ANK1: variants seen among roughly 807,000 people sequenced by gnomAD.
The protein encoded by ANK1 is ankyrin 1, also known as ankyrin-1.
ANK1 carries 51 observed loss-of-function variants against 210.4 expected under a neutral mutation model. The observed-to-expected ratio is 0.24, with a 90% CI of 0.19 to 0.31. The LOEUF is 0.31. Ranked by LOEUF, ANK1 falls within the 10% of genes least tolerant of loss-of-function variation. The pLI, the probability that ANK1 is intolerant of heterozygous loss-of-function variation, is 1.00. For missense variants in ANK1, 2,051 were observed against 2,504.4 expected, an observed-to-expected ratio of 0.82 and a Z score of 3.86; for synonymous variants, 967 against 1,025.9, an observed-to-expected ratio of 0.94 and a Z score of 1.10.
At position 41,704,269 on chromosome 8, in the gene ANK1, G is replaced by A; in HGVS notation, c.2196+105C>T. ...TGCATTTTCCCCCTTTCTTCCTTCA[G>A]GGTCCATGGTCAAAACCCTAGTGCT... On this transcript the variant is annotated intron_variant, in intron 19 of 42. Coordinates refer to ENST00000289734, the MANE Select transcript of ANK1 (RefSeq NM_000037.4). This position sits in a 1 kb window ranked among gnomAD's most constrained non-coding sequence, Gnocchi z 4.1. The A allele has an allele frequency of 7.2e-7, 1 of 1,390,086 alleles. No homozygotes were observed. The highest frequency in any genetic ancestry group is 1.0e-6 in the Non-Finnish European group (1 of 978,980). The allele number at this position is 1,390,086 out of a possible 1,614,324, so 86.1% of individuals were successfully genotyped here.
At chr8:41,758,185 C>A in intron 1 of ANK1, 48 bp from the exon 2 acceptor site, 1 of 1,535,678 alleles carries the variant, frequency 6.5e-7, no homozygotes, top group Non-Finnish European at 9.0e-7. Context: ...GTATTAATGA[C>A]TTCTCCACCC....
intron 1 of ANK1, among the ~76,000 whole-genome samples, chr8:41,851,624 G>A (rs764543017): frequency 6.6e-6 from 1 of 152,228 alleles, no homozygotes; most frequent in Non-Finnish European, 1.5e-5. Context: ...GCTAAGACGG[G>A]AGGATTGCTG....
intron 20 of ANK1, among the ~76,000 whole-genome samples, chr8:41,703,450 A>ATATATATATATTTTT (rs59985416): frequency 1.7e-5 from 1 of 58,820 alleles, no homozygotes; most frequent in Non-Finnish European, 2.8e-5. Context: ...ATATATATAT[A>ATATATATATATTTTT]TTTTTTTTTT....
intron 8 of ANK1, 151 bp downstream of exon 8, chr8:41,723,384 A>C: frequency 1.8e-6 from 2 of 1,141,122 alleles, no homozygotes; most frequent in Non-Finnish European, 2.6e-6. Context: ...CTCCCACTGC[A>C]CGCGGCACTG....
intron 1 of ANK1, among the ~76,000 whole-genome samples, chr8:41,868,259 G>T (rs889104593): frequency 6.6e-6 from 1 of 152,238 alleles, no homozygotes; most frequent in Non-Finnish European, 1.5e-5. Context: ...ATTCCTTGCT[G>T]TAGGGGGCCA....
intron 1 of ANK1, among the ~76,000 whole-genome samples, chr8:41,849,318 C>T (rs1156550104): frequency 6.6e-6 from 1 of 152,192 alleles, no homozygotes; most frequent in Non-Finnish European, 1.5e-5. Flanking sequence ...TCTTCTTTGG[C>T]CTTGGCCTTT....
At chr8:41,834,699 T>C (rs1021881091) in intron 1 of ANK1, among the ~76,000 whole-genome samples, 9 of 152,220 alleles carry the variant, frequency 5.9e-5, no homozygotes, top group Non-Finnish European at 1.3e-4. Context: ...TACAGGAATA[T>C]AGCCCAGTCT....
At chr8:41,802,050 C>T (rs1314037690), upstream of ANK1, among the ~76,000 whole-genome samples, 1 of 152,108 alleles carries the variant, frequency 6.6e-6, no homozygotes, top group African/African-American at 2.4e-5. Context: ...AGTGCAATGG[C>T]ACCATCTCAG....
Position 41,853,697 on chromosome 8 carries a change from A to G in ANK1, c.126+42658T>C, listed in dbSNP as rs888324153. ...TAACAGATACCTATAGAGGCTGGGCATTGGTGAGACACAAGCTCACTTTCC... is the reference window on the plus strand; with the variant it reads ...TAACAGATACCTATAGAGGCTGGGCGTTGGTGAGACACAAGCTCACTTTCC... On this transcript the variant is annotated intron_variant, in intron 1 of 42. Transcript: ENST00000265709. Among the ~76,000 whole-genome samples the G allele has an allele frequency of 2.6e-5, 4 of 152,128 alleles. No homozygotes were observed. The South Asian group carries it at 8.3e-4, about 32-fold the overall frequency.
intron 24 of ANK1, among the ~76,000 whole-genome samples, 200 bp from the exon 25 acceptor site, chr8:41,696,973 A>G (rs1158623962): frequency 7.2e-5 from 11 of 152,158 alleles, no homozygotes; most frequent in Non-Finnish European, 1.3e-4. Context: ...TCCCACCTCC[A>G]TGCCTCTCCT....
intron 1 of ANK1, among the ~76,000 whole-genome samples, chr8:41,833,453 T>G (rs1807055817): frequency 6.6e-6 from 1 of 152,198 alleles, no homozygotes. Context: ...AGAATTTATA[T>G]TAAAAGCTCC....
intron 24 of ANK1, 142 bp from the exon 25 acceptor site, chr8:41,696,915 C>T: frequency 2.5e-6 from 2 of 803,104 alleles, no homozygotes; most frequent in South Asian, 1.5e-5. Context: ...ACCCCACCGC[C>T]CTGTCAGACA....
At chr8:41,828,296 A>C (rs12708213) in intron 1 of ANK1, 79,606 of 154,386 alleles carry the variant, frequency 0.52, 21,818 homozygotes, top group African/African-American at 0.67. Flanking sequence ...CCTCCACACC[A>C]AGCAGCCGCC....
At chr8:41,720,960 T>A (rs1305996197) in intron 9 of ANK1, among the ~76,000 whole-genome samples, 1 of 152,184 alleles carries the variant, frequency 6.6e-6, no homozygotes, top group Non-Finnish European at 1.5e-5. Context: ...GCTCAGGACC[T>A]GGGACTTCAG....
intron 20 of ANK1, among the ~76,000 whole-genome samples, chr8:41,703,432 A>G (rs1349768355): frequency 1.7e-4 from 11 of 65,986 alleles, no homozygotes; most frequent in South Asian, 1.4e-3. Context: ...GTATATATAT[A>G]TATATATATA....
At chr8:41,818,837 C>T (rs956129406) in intron 1 of ANK1, among the ~76,000 whole-genome samples, 3 of 152,104 alleles carry the variant, frequency 2.0e-5, no homozygotes, top group African/African-American at 7.2e-5. Flanking sequence ...AAAGAACAGT[C>T]CACAGGCACA....
intron 2 of ANK1, among the ~76,000 whole-genome samples, chr8:41,751,349 G>A (rs1345057783): frequency 1.1e-4 from 17 of 152,214 alleles, no homozygotes; most frequent in Admixed American, 4.6e-4. Flanking sequence ...TTGCCTCACT[G>A]CGGCTTGGAG....
At chr8:41,852,414 G>A (rs1459684371) in intron 1 of ANK1, among the ~76,000 whole-genome samples, 5 of 152,178 alleles carry the variant, frequency 3.3e-5, no homozygotes, top group Admixed American at 1.3e-4. Context: ...CTGCACTTGC[G>A]AGAGGCTCTG....
chr8:41,672,788 G>A lies in ANK1; in HGVS notation c.4662C>T (p.Ala1554=). Residue 1554 remains alanine, a synonymous_variant, in exon 38 of 43, where the codon GCC becomes GCT. Transcript: ENST00000289734. Reference sequence around the variant, plus strand: ...TCTCCAGCATGGTGTCATGCTCCGTGGCCGCCAAGGGGATGGCGTCTAGGA... The same window carrying A: ...TCTCCAGCATGGTGTCATGCTCCGTAGCCGCCAAGGGGATGGCGTCTAGGA... ...VAVLDAIPLA[A]TEHDTMLEMS... is the part of the protein sequence containing the mutation. 2.5e-6 allele frequency: 4 copies of A among 1,604,242 alleles called. No individual in the cohort carries two copies. Among genetic ancestry groups the A allele is most frequent in the South Asian group, 2.2e-5 (2 of 89,874 alleles).
Sources: gnomAD v4.1 joint callset for allele counts (sites outside exome capture counted in the v4.1 genomes callset) on GRCh38, gnomAD v4.1.1 for gene constraint, Gnocchi (gnomAD v3.1) non-coding constraint, MANE v1.5 for transcripts, NCBI Gene and HGNC (gene_info 2026-07-23, HGNC 2026-07-21) for gene names.